RANBP2: variants seen among roughly 807,000 people sequenced by gnomAD.
RANBP2 encodes E3 SUMO-protein ligase RanBP2.
Under a neutral mutation model 303.6 loss-of-function variants are expected in RANBP2, and 57 were observed. The ratio of observed to expected loss-of-function variants is 0.19; its 90% CI spans 0.15 to 0.23. RANBP2 has a LOEUF of 0.23. Among genes scored for constraint, RANBP2 ranks in the 10% least tolerant of loss-of-function variants. RANBP2 has a pLI of 1.00. For synonymous variants in RANBP2, 1,167 were observed against 1,301.5 expected (o/e 0.90, Z 2.23); for missense variants, 3,138 against 3,780.8 (o/e 0.83, Z 4.46).
chr2:109,722,759 G>T, the RANBP2 span, among the ~76,000 whole-genome samples: 1 of 152,166 alleles, frequency 6.6e-6, no homozygotes. Context: ...GCATTAGTTT[G>T]CTGAAGATAA....
the RANBP2 span, among the ~76,000 whole-genome samples, chr2:109,399,449 T>G: frequency 2.2e-3 from 87 of 38,972 alleles, 1 homozygote; most frequent in Admixed American, 0.015. Context: ...TTTCCACTAG[T>G]TTTTTTTTTT....
At chr2:108,965,761 G>T in the RANBP2 span, among the ~76,000 whole-genome samples, 8 of 152,016 alleles carry the variant, frequency 5.3e-5, no homozygotes, top group African/African-American at 1.9e-4. Flanking sequence ...ATGTGGTGGT[G>T]GGGGGCTGGG....
the RANBP2 span, among the ~76,000 whole-genome samples, chr2:109,736,242 G>GT: frequency 1.3e-5 from 2 of 152,092 alleles, no homozygotes; most frequent in African/African-American, 4.8e-5. Context: ...GCCTCTGCAC[G>GT]CACTGCAGCA....
At chr2:109,144,052 T>C in the RANBP2 span, among the ~76,000 whole-genome samples, 1 of 152,150 alleles carries the variant, frequency 6.6e-6, no homozygotes. Context: ...GCCGGAAGTG[T>C]GGGAAGAGGA....
At position 108,767,380 on chromosome 2, in the gene RANBP2, C is replaced by T. The variant is rs752180574; in HGVS notation, c.6841C>T (p.Pro2281Ser). 6 of 1,611,864 alleles carry T rather than the reference C, an allele frequency of 3.7e-6. No homozygotes were observed. In the African/African-American group the frequency reaches 8.0e-5, roughly 22 times the overall value. Residue 2281 changes from proline to serine, a missense_variant, in exon 20 of 29, where the codon CCT becomes TCT. Transcript: ENST00000283195. ...FKSALSPSKSPAKLNQSGTSV... is the reference protein window; with the variant it reads ...FKSALSPSKSSAKLNQSGTSV... ...ATCTGCTTTGAGTCCATCTAAGTCT[C>T]CTGCCAAGTTGAATCAGAGTGGGAC...
At chr2:108,794,330 G>T in the RANBP2 span, among the ~76,000 whole-genome samples, 1 of 151,798 alleles carries the variant, frequency 6.6e-6, no homozygotes, top group Non-Finnish European at 1.5e-5. Context: ...CAGAAAAGTT[G>T]CAAAGATAGT....
chr2:109,371,594 T>C, the RANBP2 span: 1 of 1,613,964 alleles, frequency 6.2e-7, no homozygotes, highest in Non-Finnish European at 8.5e-7. Context: ...AGGACGAGAT[T>C]CTGACGGTGC....
intron 18 of RANBP2, among the ~76,000 whole-genome samples, chr2:108,761,678 C>T: frequency 6.6e-6 from 1 of 152,066 alleles, no homozygotes. Context: ...TTACAAAATA[C>T]AACCTAGTCT....
the RANBP2 span, among the ~76,000 whole-genome samples, chr2:109,192,332 A>C: frequency 6.6e-6 from 1 of 152,264 alleles, no homozygotes; most frequent in African/African-American, 2.4e-5. Flanking sequence ...AAAAGCAGAA[A>C]ATGAGTTTTT....
chr2:109,659,227 ACTAG>A, the RANBP2 span, among the ~76,000 whole-genome samples: 1 of 151,470 alleles, frequency 6.6e-6, no homozygotes, highest in Non-Finnish European at 1.5e-5. Flanking sequence ...AAGTACAAAA[ACTAG>A]CTGGGCGTGG....
the RANBP2 span, among the ~76,000 whole-genome samples, chr2:108,994,356 C>T: frequency 6.6e-6 from 1 of 152,342 alleles, no homozygotes; most frequent in South Asian, 2.1e-4. Flanking sequence ...GCCCCCACCA[C>T]CTCCATTATG....
chr2:109,593,134 C>T, the RANBP2 span: 3 of 1,576,948 alleles, frequency 1.9e-6, no homozygotes. Flanking sequence ...AAAAGGAATA[C>T]AAAGGCTTAA....
At chr2:109,688,765 C>T in the RANBP2 span, among the ~76,000 whole-genome samples, 1 of 109,252 alleles carries the variant, frequency 9.2e-6, no homozygotes, top group Non-Finnish European at 1.7e-5. Context: ...GGTGACGGAG[C>T]GAGACTCTGT....
At chr2:109,142,050 G>C in the RANBP2 span, among the ~76,000 whole-genome samples, 1 of 151,502 alleles carries the variant, frequency 6.6e-6, no homozygotes, top group African/African-American at 2.4e-5. Context: ...TCCTGGGGGG[G>C]GGGTCTCAGG....
At chr2:109,483,095 AC>A in the RANBP2 span, among the ~76,000 whole-genome samples, 1 of 151,884 alleles carries the variant, frequency 6.6e-6, no homozygotes, top group Non-Finnish European at 1.5e-5. Context: ...ATTGTTATAA[AC>A]CCTCCTGTGC....
chr2:109,559,178 G>A, the RANBP2 span, among the ~76,000 whole-genome samples: 9 of 152,222 alleles, frequency 5.9e-5, no homozygotes, highest in African/African-American at 1.9e-4. Context: ...AAGCCACCAC[G>A]CCTGGCCAGA....
chr2:109,561,728 C>T, the RANBP2 span, among the ~76,000 whole-genome samples: 1 of 152,186 alleles, frequency 6.6e-6, no homozygotes, highest in African/African-American at 2.4e-5. Context: ...AGGTCAATAA[C>T]GATCACCACC....
the RANBP2 span, among the ~76,000 whole-genome samples, chr2:108,973,375 C>T: frequency 1.3e-5 from 2 of 152,166 alleles, no homozygotes; most frequent in Non-Finnish European, 2.9e-5. Flanking sequence ...GGCAGGAGGG[C>T]GGTGCAGAGA....
At chr2:109,032,597 G>A in the RANBP2 span, among the ~76,000 whole-genome samples, 1 of 147,148 alleles carries the variant, frequency 6.8e-6, no homozygotes, top group Non-Finnish European at 1.5e-5. Flanking sequence ...GGGGTGGGGT[G>A]GGGGAGTCTT....
Sources: allele counts gnomAD v4.1 joint callset (sites outside exome capture counted in the v4.1 genomes callset), GRCh38; gene constraint gnomAD v4.1.1; transcripts MANE v1.5; gene names NCBI Gene and HGNC (gene_info 2026-07-23, HGNC 2026-07-21).